Variants in TSNAX observed in about 807,000 individuals in gnomAD.
TSNAX encodes translin-associated protein X.
TSNAX carries 12 observed loss-of-function variants against 33.0 expected under a neutral mutation model. That is an observed-to-expected ratio of 0.36 (90% confidence interval 0.23 to 0.59). The LOEUF is 0.59. TSNAX is among the 20% of genes least tolerant of loss of function. The pLI is 0.74. For synonymous variants in TSNAX, 110 were observed against 117.2 expected (o/e 0.94, Z 0.40); for missense variants, 267 against 341.3 (o/e 0.78, Z 1.72).
intron 5 of TSNAX, among the ~76,000 whole-genome samples, chr1:231,562,472 A>AT (rs1223389225): frequency 6.6e-6 from 1 of 152,070 alleles, no homozygotes; most frequent in Non-Finnish European, 1.5e-5. Flanking sequence ...ATTTCTTCAT[A>AT]TTTTTTATTC....
chr1:231,560,406 T>TTCCCCCCC (rs1661003604), intron 4 of TSNAX, among the ~76,000 whole-genome samples: 1 of 32,058 alleles, frequency 3.1e-5, no homozygotes, highest in Non-Finnish European at 5.6e-5. Flanking sequence ...TTTTCTTTTC[T>TTCCCCCCC]CCCCCCCCCC....
intron 5 of TSNAX, 110 bp from the exon 6 acceptor site, chr1:231,564,418 A>G: frequency 6.7e-7 from 1 of 1,483,990 alleles, no homozygotes; most frequent in Non-Finnish European, 8.9e-7. Flanking sequence ...TTTGCTATTG[A>G]TTTTGTACTT....
At chr1:231,562,854 A>T (rs1558139661) in intron 5 of TSNAX, among the ~76,000 whole-genome samples, 1 of 152,226 alleles carries the variant, frequency 6.6e-6, no homozygotes. Context: ...TATTTTAAAA[A>T]GTTTTGTGAA....
At chr1:231,552,071 G>A (rs988235579) in intron 4 of TSNAX, among the ~76,000 whole-genome samples, 1 of 152,130 alleles carries the variant, frequency 6.6e-6, no homozygotes, top group Non-Finnish European at 1.5e-5. Flanking sequence ...CAAGGTGGGC[G>A]AATCACCTGA....
In TSNAX at chr1:231,528,693, C is replaced by T. The variant is rs1325209542; in HGVS notation, c.-118C>T. 1.2e-5 allele frequency: 15 copies of T among 1,204,268 alleles called. No homozygotes were observed. The highest frequency in any genetic ancestry group is 1.5e-5 in the African/African-American group (1 of 66,498). The allele number at this position is 1,204,268 out of a possible 1,614,324, so 74.6% of individuals were successfully genotyped here. On this transcript the variant is annotated 5_prime_UTR_variant, in exon 1 of 6. Transcript: ENST00000366639. ...TCCGGCCACTGCGTTGTAGTCGGCC[C>T]GGCTGCAAAGCGTTTTTCTGCAGGC...
chr1:231,540,188 A>AC (rs1276865324), intron 3 of TSNAX, among the ~76,000 whole-genome samples: 1 of 151,606 alleles, frequency 6.6e-6, no homozygotes, highest in African/African-American at 2.4e-5. Flanking sequence ...AAAAAAAAAA[A>AC]AAAAAAAAAA....
chr1:231,540,841 T>C (rs144384560), intron 3 of TSNAX, among the ~76,000 whole-genome samples: 2 of 152,222 alleles, frequency 1.3e-5, no homozygotes, highest in Non-Finnish European at 2.9e-5. Flanking sequence ...AGGATTGTTA[T>C]GCATTTAATG....
At chr1:231,562,021 A>G (rs1661147938) in intron 5 of TSNAX, among the ~76,000 whole-genome samples, 1 of 152,058 alleles carries the variant, frequency 6.6e-6, no homozygotes, top group South Asian at 2.1e-4. Context: ...TTTGACTTTT[A>G]AACAAATACT....
At chr1:231,564,272 T>C (rs1388399486) in intron 5 of TSNAX, among the ~76,000 whole-genome samples, 3 of 152,246 alleles carry the variant, frequency 2.0e-5, no homozygotes, top group Non-Finnish European at 4.4e-5. Flanking sequence ...GTTGGTTTCA[T>C]AATGATATAT....
At chr1:231,530,184 TC>T (rs1416269292) in intron 2 of TSNAX, among the ~76,000 whole-genome samples, 1 of 152,228 alleles carries the variant, frequency 6.6e-6, no homozygotes, top group Non-Finnish European at 1.5e-5. Context: ...ATCTCAGACA[TC>T]AGACACTGTC....
rs142149628 is a variant in TSNAX, at chr1:231,557,139, T to C, written c.368-3989T>C. ...GAGTTCATTGTTGGAAGTGTTGATT[T>C]TGAGGTATCTTTGGTAAGGATGTCA... On this transcript the variant is annotated intron_variant, in intron 4 of 5. Coordinates refer to ENST00000366639, the MANE Select transcript of TSNAX (RefSeq NM_005999.3). Among the ~76,000 whole-genome samples, 1,427 of 152,264 alleles carry C rather than the reference T, an allele frequency of 9.4e-3. 38 individuals carry two copies. The highest frequency in any genetic ancestry group is 0.032 in the African/African-American group (1,328 of 41,530).
chr1:231,540,173 CAAAAAAAAAAA>C (rs10714707), intron 3 of TSNAX, among the ~76,000 whole-genome samples: 40 of 70,456 alleles, frequency 5.7e-4, no homozygotes, highest in South Asian at 3.5e-3. Flanking sequence ...GACTCTGTCT[CAAAAAAAAAAA>C]AAAAAAAAAA....
At chr1:231,528,938 C>A (rs1380346345) in intron 1 of TSNAX, 112 bp downstream of exon 1, 1 of 1,403,338 alleles carries the variant, frequency 7.1e-7, no homozygotes, top group East Asian at 2.4e-5. Context: ...CCCTTGTAGA[C>A]TCGGGGGCGG....
intron 3 of TSNAX, among the ~76,000 whole-genome samples, chr1:231,539,071 A>G (rs1293520627): frequency 1.3e-5 from 2 of 152,180 alleles, no homozygotes; most frequent in Non-Finnish European, 1.5e-5. Context: ...TGGCACTGTT[A>G]ACATTTTCTT....
chr1:231,563,225 A>G (rs1203187712), intron 5 of TSNAX, among the ~76,000 whole-genome samples: 2 of 152,216 alleles, frequency 1.3e-5, no homozygotes, highest in Admixed American at 1.3e-4. Flanking sequence ...TGTAACTGCA[A>G]CTTCACCTAC....
chr1:231,564,480 CTT>C, intron 5 of TSNAX, 46 bp from the exon 6 acceptor site: 1 of 1,556,792 alleles, frequency 6.4e-7, no homozygotes, highest in Middle Eastern at 1.7e-4. Context: ...AGTGTTCTTT[CTT>C]GTGTGTGTGT....
At chr1:231,554,162 C>G (rs907393761) in intron 4 of TSNAX, among the ~76,000 whole-genome samples, 1 of 152,034 alleles carries the variant, frequency 6.6e-6, no homozygotes, top group Admixed American at 6.5e-5. Context: ...GACTCTTATT[C>G]CATATTCTCT....
chr1:231,528,835 C>T lies in TSNAX; in HGVS notation c.16+9C>T, dbSNP rs760842833. The T allele has an allele frequency of 6.2e-6, 10 of 1,614,094 alleles. No individual in the cohort carries two copies. Among genetic ancestry groups the T allele is most frequent in the African/African-American group, 5.3e-5 (4 of 74,946 alleles). ...CATGAGCAACAAAGAAGGTGGCGTC[C>T]TTAACAACACGGGGCGTTATTTATC... On this transcript the variant is annotated intron_variant, in intron 1 of 5. Transcript: ENST00000366639.
chr1:231,540,196 A>AC (rs1659482295), intron 3 of TSNAX, among the ~76,000 whole-genome samples: 1 of 151,098 alleles, frequency 6.6e-6, no homozygotes, highest in Non-Finnish European at 1.5e-5. Flanking sequence ...AAAAAAAAAA[A>AC]AACTTTATGA....
Sources: allele counts gnomAD v4.1 joint callset (sites outside exome capture counted in the v4.1 genomes callset), GRCh38; gene constraint gnomAD v4.1.1; transcripts MANE v1.5; gene names NCBI Gene and HGNC (gene_info 2026-07-23, HGNC 2026-07-21).